Variants in FBLN1 observed in about 807,000 individuals in gnomAD.
The protein encoded by FBLN1 is fibulin 1.
A neutral mutation model predicts 89.7 loss-of-function variants in FBLN1; 34 were observed. That is an observed-to-expected ratio of 0.38 (90% CI 0.29 to 0.50). The LOEUF is 0.50. Ranked by LOEUF, FBLN1 falls within the 20% of genes least tolerant of loss-of-function variation. The probability of loss-of-function intolerance (pLI) is 0.92; values close to 1 mark genes in which losing one functional copy is unlikely to be tolerated. For missense variants in FBLN1, 777 were observed against 988.1 expected (o/e 0.79, Z 2.86); for synonymous variants, 393 against 391.3 (o/e 1.00, Z -0.05).
At chr22:45,517,696 G>A (rs1404125269) in intron 1 of FBLN1, 1 of 463,666 alleles carries the variant, frequency 2.2e-6, no homozygotes, top group South Asian at 1.6e-5. Context: ...AGGGGATCTT[G>A]TGGTAAGTCA....
intron 16 of FBLN1, among the ~76,000 whole-genome samples, chr22:45,598,063 A>G (rs2089201162): frequency 6.6e-6 from 1 of 152,184 alleles, no homozygotes; most frequent in Admixed American, 6.5e-5. Flanking sequence ...ACGTTTCCTA[A>G]GCCTGCAGAG....
intron 12 of FBLN1, 71 bp from the exon 13 acceptor site, chr22:45,548,541 GC>G: frequency 6.2e-7 from 1 of 1,603,216 alleles, no homozygotes; most frequent in South Asian, 1.1e-5. Context: ...AGCCCCCAGG[GC>G]GATGTAGCAT....
At chr22:45,542,096 T>C (rs2088562871) in intron 9 of FBLN1, 59 bp from the exon 10 acceptor site, 7 of 1,613,034 alleles carry the variant, frequency 4.3e-6, no homozygotes, top group Admixed American at 1.7e-5. Flanking sequence ...TCTGATCATC[T>C]TGGGGGGAAA....
intron 14 of FBLN1, among the ~76,000 whole-genome samples, chr22:45,554,767 C>G (rs1329170400): frequency 1.3e-5 from 2 of 152,238 alleles, no homozygotes; most frequent in Admixed American, 6.5e-5. Flanking sequence ...GGGCTCCGCA[C>G]CTGGGCCCTG....
intron 11 of FBLN1, among the ~76,000 whole-genome samples, chr22:45,544,434 A>G (rs2088600408): frequency 2.0e-5 from 3 of 152,194 alleles, no homozygotes; most frequent in African/African-American, 7.2e-5. Context: ...CCGCAGAGAC[A>G]GGGAGAAGCA....
chr22:45,574,424 A>T lies in FBLN1; in HGVS notation c.1698-87A>T. On this transcript the variant is annotated intron_variant, in intron 14 of 16. Coordinates refer to ENST00000327858, the MANE Select transcript of FBLN1 (RefSeq NM_006486.3). This position sits in a 1 kb window ranked among gnomAD's most constrained non-coding sequence, Gnocchi z 4.1. ...TGGGACAGATGCCCCTGCCCTGGCC[A>T]CCTGCTCCTCCTCCCTAGACCTCGG... 6.7e-7 allele frequency: 1 copy of T among 1,484,130 alleles called. No homozygotes were observed. Among genetic ancestry groups the T allele is most frequent in the Admixed American group, 1.7e-5 (1 of 58,206 alleles). The allele number at this position is 1,484,130 out of a possible 1,614,324, so 91.9% of individuals were successfully genotyped here.
chr22:45,563,196 ATC>A lies in FBLN1; in HGVS notation c.1698-11308_1698-11307del, dbSNP rs1387597143. 1.2e-6 allele frequency: 2 copies of A among 1,613,644 alleles called. No individual in the cohort carries two copies. Among genetic ancestry groups the A allele is most frequent in the South Asian group, 1.1e-5 (1 of 91,070 alleles). On this transcript the variant is annotated intron_variant, in intron 14 of 16. Transcript: ENST00000327858. The surrounding 1 kb of genome is among the most constrained non-coding windows in gnomAD (Gnocchi z 5.7). ...GACTTGCTCCTGACCGTCAAGATGGATCTCTCTCGCCACGGCACCGTCAGCTC... is the reference window on the plus strand; with the variant it reads ...GACTTGCTCCTGACCGTCAAGATGGATCTCTCGCCACGGCACCGTCAGCTC...
intron 2 of FBLN1, among the ~76,000 whole-genome samples, chr22:45,523,496 C>T (rs527547779): frequency 5.9e-5 from 9 of 152,216 alleles, no homozygotes; most frequent in South Asian, 2.1e-4. Context: ...TGAGGTCAGG[C>T]GTTTGAGACC....
At chr22:45,503,877 C>A (rs371423542) in intron 1 of FBLN1, among the ~76,000 whole-genome samples, 1 of 152,162 alleles carries the variant, frequency 6.6e-6, no homozygotes, top group Non-Finnish European at 1.5e-5. Flanking sequence ...CCACCCAGCC[C>A]GCGCTTTTCT....
intron 16 of FBLN1, among the ~76,000 whole-genome samples, chr22:45,582,032 C>T (rs1272011219): frequency 6.6e-6 from 1 of 152,134 alleles, no homozygotes; most frequent in East Asian, 1.9e-4. Flanking sequence ...CACTGGGCCT[C>T]CTGCAGCTTG....
At chr22:45,566,368 T>A (rs2088901598) in intron 14 of FBLN1, among the ~76,000 whole-genome samples, 1 of 152,174 alleles carries the variant, frequency 6.6e-6, no homozygotes, top group Non-Finnish European at 1.5e-5. Context: ...CATCGACGTT[T>A]GCGTGTGTGC....
In FBLN1 at chr22:45,532,760, G is replaced by A. The variant is rs988463084; in HGVS notation, c.545-303G>A. On this transcript the variant is annotated intron_variant, in intron 5 of 16. Coordinates refer to ENST00000327858, the MANE Select transcript of FBLN1 (RefSeq NM_006486.3). This position sits in a 1 kb window ranked among gnomAD's most constrained non-coding sequence, Gnocchi z 4.2. ...AGCCCACACCCCCATGTCTGTGACC[G>A]GCAGTGAGCTCTTCTCTGCTTCGCC... The A allele has an allele frequency of 2.3e-5, 11 of 479,692 alleles. No homozygotes were observed. Among genetic ancestry groups the A allele is most frequent in the Middle Eastern group, 6.1e-4 (1 of 1,634 alleles). 29.7% of individuals were successfully genotyped at this position (479,692 alleles called of 1,614,324 possible). A position where few individuals can be genotyped will look rare whatever the true frequency, so the allele number is the denominator to read the frequency against.
Position 45,533,147 on chromosome 22 carries a change from A to G in FBLN1, c.629A>G (p.Asp210Gly). The G allele has an allele frequency of 6.2e-7, 1 of 1,613,906 alleles. No individual in the cohort carries two copies. Among genetic ancestry groups the G allele is most frequent in the Non-Finnish European group, 8.5e-7 (1 of 1,179,792 alleles). ...SCFVGYQLLS[D>G]GVSCEDVNEC... Reference sequence around the variant, plus strand: ...TTCGTGGGCTACCAGCTGCTGTCTGATGGTGTCTCCTGTGAAGGTAATGTC... The same window carrying G: ...TTCGTGGGCTACCAGCTGCTGTCTGGTGGTGTCTCCTGTGAAGGTAATGTC... The change falls in exon 6 of 17, where the codon GAT (aspartate) becomes GGT (glycine). Residue 210 changes from aspartate to glycine, a missense_variant. Asp to Gly is a moderately conservative substitution (Grantham distance 94, BLOSUM62 -1). Transcript: ENST00000327858.
chr22:45,555,694 T>C (rs909586712), intron 14 of FBLN1, among the ~76,000 whole-genome samples: 1 of 152,094 alleles, frequency 6.6e-6, no homozygotes, highest in Non-Finnish European at 1.5e-5. Flanking sequence ...AAGTTGACAC[T>C]CAGTATTAAC....
chr22:45,591,649 GAGA>G lies in FBLN1; in HGVS notation c.1973-8654_1973-8652del, dbSNP rs566536188. On this transcript the variant is annotated intron_variant, in intron 16 of 16. Transcript: ENST00000327858. ...TTTTATGGCGTTTCTCAGCCAAGCA[GAGA>G]AGACCAGGTTTCGGGAGCTCAGTCC... Among the ~76,000 whole-genome samples, 17 of 152,250 alleles carry G rather than the reference GAGA, an allele frequency of 1.1e-4. No individual in the cohort carries two copies. In the South Asian group the frequency reaches 3.5e-3, roughly 32 times the overall value.
rs2088981074 is a variant in FBLN1 at position 45,574,804 on chromosome 22, C to T, written c.1840+151C>T. The T allele has an allele frequency of 7.0e-5, 45 of 642,416 alleles. No homozygotes were observed. The highest frequency in any genetic ancestry group is 4.4e-4 in the South Asian group (22 of 50,022). The allele number at this position is 642,416 out of a possible 1,614,324, so 39.8% of individuals were successfully genotyped here. A position where few individuals can be genotyped will look rare whatever the true frequency, so the allele number is the denominator to read the frequency against. The stretch of plus-strand genomic sequence containing the variant: ...TTTTTTTTTTTTTTTTTTTTTGAGA[C>T]GGAGTCTCGCTCTGTCGCCCGGGCT... On this transcript the variant is annotated intron_variant, in intron 15 of 16. Coordinates refer to ENST00000327858, the MANE Select transcript of FBLN1 (RefSeq NM_006486.3). This position sits in a 1 kb window ranked among gnomAD's most constrained non-coding sequence, Gnocchi z 4.1.
chr22:45,528,062 T>C (rs1425142817), intron 4 of FBLN1, 53 bp downstream of exon 4: 1 of 1,588,968 alleles, frequency 6.3e-7, no homozygotes, highest in Non-Finnish European at 8.6e-7. Flanking sequence ...TTCTCCGGGA[T>C]GTGTATATAG....
At chr22:45,542,053 T>A in intron 9 of FBLN1, 102 bp from the exon 10 acceptor site, 1 of 1,556,202 alleles carries the variant, frequency 6.4e-7, no homozygotes, top group Non-Finnish European at 8.8e-7. Context: ...AATGCCTGTT[T>A]CCATGTCCAT....
chr22:45,508,761 A>G (rs112240669), intron 1 of FBLN1, among the ~76,000 whole-genome samples: 9,791 of 152,172 alleles, frequency 0.064, 376 homozygotes, highest in Non-Finnish European at 0.077. Flanking sequence ...ACCTAGGATC[A>G]TGTGAGATCA....
Sources: allele counts gnomAD v4.1 joint callset (sites outside exome capture counted in the v4.1 genomes callset), GRCh38; gene constraint gnomAD v4.1.1; non-coding constraint Gnocchi (gnomAD v3.1); transcripts MANE v1.5; gene names NCBI Gene and HGNC (gene_info 2026-07-23, HGNC 2026-07-21).